SLCO1A2: variants seen among roughly 807,000 people sequenced by gnomAD.
The protein encoded by SLCO1A2 is OATP-1.
SLCO1A2 carries 67 observed loss-of-function variants against 69.0 expected under a neutral mutation model. The ratio of observed to expected loss-of-function variants is 0.97; its 90% CI spans 0.80 to 1.19. The LOEUF is 1.19. SLCO1A2 is among the 50% of genes most tolerant of loss of function. The pLI is 0.00. For synonymous variants in SLCO1A2, 260 were observed against 265.9 expected (o/e 0.98, Z 0.22); for missense variants, 787 against 793.7 (o/e 0.99, Z 0.10).
At chr12:21,359,746 T>TAAAAA (rs35529364) in intron 2 of SLCO1A2, among the ~76,000 whole-genome samples, 2 of 140,156 alleles carry the variant, frequency 1.4e-5, no homozygotes, top group African/African-American at 2.6e-5. Flanking sequence ...GACTCCGTCT[T>TAAAAA]AAAAAAAAAA....
Position 21,355,396 on chromosome 12 carries a change from C to T in SLCO1A2, c.-63+19003G>A, listed in dbSNP as rs932877538. 4.6e-5 allele frequency among the ~76,000 whole-genome samples: 7 copies of T among 152,194 alleles called. No homozygotes were observed. The East Asian group carries it at 1.4e-3, about 29-fold the overall frequency. On this transcript the variant is annotated intron_variant, in intron 2 of 15. Coordinates refer to the SLCO1A2 transcript ENST00000307378. ...TAAGCTCACAGAAAGGAAAAGAAAT[C>T]TCGAAGTGTGAGGGGGTAGGCAATG...
At chr12:21,373,401 TG>T in intron 2 of SLCO1A2, 1 of 1,613,448 alleles carries the variant, frequency 6.2e-7, no homozygotes, top group Non-Finnish European at 8.5e-7. Flanking sequence ...TCTGTTGCAT[TG>T]AACCATCTGA....
rs189204856 is a variant in SLCO1A2, at chr12:21,375,045, T to C, written c.-189-520A>G. Among the ~76,000 whole-genome samples, 109 of 152,282 alleles carry C rather than the reference T, an allele frequency of 7.2e-4. 1 individual carries two copies. The highest frequency in any genetic ancestry group is 2.6e-3 in the African/African-American group (108 of 41,566). On this transcript the variant is annotated intron_variant, in intron 1 of 15. Transcript: ENST00000307378. ...GATGCCCAGGCTGGTGTCAAACTCC[T>C]GGGCTCAAGCCTTCCTCCTGCCTCA...
chr12:21,311,945 G>T (rs1277448096), intron 4 of SLCO1A2, among the ~76,000 whole-genome samples: 1 of 151,332 alleles, frequency 6.6e-6, no homozygotes, highest in African/African-American at 2.4e-5. Context: ...AAAGAAGAAG[G>T]AGAGGGAGAA....
At chr12:21,416,850 A>G (rs1941997764) in intron 1 of SLCO1A2, among the ~76,000 whole-genome samples, 1 of 152,224 alleles carries the variant, frequency 6.6e-6, no homozygotes, top group Non-Finnish European at 1.5e-5. Flanking sequence ...AATGAGAATG[A>G]AAAGAAATTA....
intron 2 of SLCO1A2, among the ~76,000 whole-genome samples, chr12:21,322,158 G>A (rs759099156): frequency 3.3e-5 from 5 of 152,192 alleles, no homozygotes; most frequent in Admixed American, 6.6e-5. Flanking sequence ...ACCCTAAGCC[G>A]AGTGGCTTAT....
intron 14 of SLCO1A2, among the ~76,000 whole-genome samples, chr12:21,273,430 A>T (rs903228737): frequency 6.6e-6 from 1 of 152,202 alleles, no homozygotes; most frequent in Admixed American, 6.5e-5. Flanking sequence ...AGAATTGTCT[A>T]CCAACAATAT....
intron 2 of SLCO1A2, chr12:21,355,074 A>G (rs1565513087): frequency 6.6e-6 from 1 of 152,208 alleles, no homozygotes; most frequent in Non-Finnish European, 1.5e-5. Flanking sequence ...CTATAAAAAA[A>G]TCAACTTAAC....
chr12:21,271,701 C>A (rs901740438), intron 14 of SLCO1A2, among the ~76,000 whole-genome samples: 3 of 131,592 alleles, frequency 2.3e-5, no homozygotes, highest in African/African-American at 7.7e-5. Context: ...ACATATATAC[C>A]TATGTGTATA....
chr12:21,292,408 C>A, intron 11 of SLCO1A2, 72 bp from the exon 12 acceptor site: 1 of 1,230,922 alleles, frequency 8.1e-7, no homozygotes, highest in South Asian at 1.4e-5. Flanking sequence ...TTCTACACAG[C>A]CAGTTGGATC....
chr12:21,300,037 T>TATATGTGTGTGTAC (rs1565482780), intron 8 of SLCO1A2, among the ~76,000 whole-genome samples: 18 of 143,334 alleles, frequency 1.3e-4, no homozygotes, highest in African/African-American at 3.8e-4. Flanking sequence ...TATGTGTGTA[T>TATATGTGTGTGTAC]ATATATATGT....
rs376541529 is a variant in SLCO1A2, at chr12:21,323,546, C to G, written c.61-4623G>C. 7.2e-5 allele frequency among the ~76,000 whole-genome samples: 11 copies of G among 152,158 alleles called. 1 individual carries two copies. Among genetic ancestry groups the G allele is most frequent in the East Asian group, 1.9e-4 (1 of 5,162 alleles). ...CACCACTACACTCCAGCCTGGGTGA[C>G]AGAGTAAGACCCTGAGTGAGTCTCA... is the stretch of plus-strand genomic sequence containing the variant. On this transcript the variant is annotated intron_variant, in intron 2 of 14. Transcript: ENST00000683939.
chr12:21,287,048 G>A (rs1443099152), intron 12 of SLCO1A2, among the ~76,000 whole-genome samples: 2 of 128,116 alleles, frequency 1.6e-5, no homozygotes, highest in Admixed American at 1.5e-4. Context: ...CACAGCAAAA[G>A]AAACTACCAT....
At chr12:21,375,472 ACAAAATTTAATCATCT>A (rs1239832163) in intron 1 of SLCO1A2, among the ~76,000 whole-genome samples, 1 of 152,250 alleles carries the variant, frequency 6.6e-6, no homozygotes, top group African/African-American at 2.4e-5. Context: ...CATTTTCCTC[ACAAAATTTAATCATCT>A]CATTTGAGAT....
chr12:21,392,555 A>T (rs1195891942), intron 1 of SLCO1A2, among the ~76,000 whole-genome samples: 1 of 152,212 alleles, frequency 6.6e-6, no homozygotes, highest in Non-Finnish European at 1.5e-5. Flanking sequence ...TCCCCCTAAC[A>T]GAAGTGAAAG....
intron 2 of SLCO1A2, among the ~76,000 whole-genome samples, chr12:21,330,472 G>C (rs1952542720): frequency 6.6e-6 from 1 of 152,122 alleles, no homozygotes; most frequent in African/African-American, 2.4e-5. Flanking sequence ...TTGTGCCACT[G>C]CACTCCAGCC....
At chr12:21,411,798 CT>C (rs1325130937) in intron 1 of SLCO1A2, among the ~76,000 whole-genome samples, 2 of 151,966 alleles carry the variant, frequency 1.3e-5, no homozygotes, top group Non-Finnish European at 2.9e-5. Context: ...ATCCTCTCAC[CT>C]CAGCCACCCA....
At chr12:21,374,199 G>A (rs894030740) in intron 2 of SLCO1A2, among the ~76,000 whole-genome samples, 2 of 152,082 alleles carry the variant, frequency 1.3e-5, no homozygotes, top group Non-Finnish European at 2.9e-5. Context: ...ACTATGTCAC[G>A]TAAAACTCTT....
At chr12:21,324,424 C>A (rs1421367265) in intron 2 of SLCO1A2, among the ~76,000 whole-genome samples, 1 of 152,108 alleles carries the variant, frequency 6.6e-6, no homozygotes, top group Non-Finnish European at 1.5e-5. Context: ...AATTGACTGA[C>A]CATATAGGCT....
Sources: allele counts gnomAD v4.1 joint callset (sites outside exome capture counted in the v4.1 genomes callset), GRCh38; gene constraint gnomAD v4.1.1; transcripts MANE v1.5; gene names NCBI Gene and HGNC (gene_info 2026-07-23, HGNC 2026-07-21).